NAV2: variants seen among roughly 807,000 people sequenced by gnomAD.
The protein encoded by NAV2 is neuron navigator 2, also known as helicase, APC down-regulated 1.
NAV2 carries 54 observed loss-of-function variants against 223.2 expected under a neutral mutation model. The observed-to-expected ratio is 0.24, with a 90% CI of 0.19 to 0.30. NAV2 has a LOEUF of 0.30. NAV2 is among the 10% of genes least tolerant of loss of function. The pLI, the probability that NAV2 is intolerant of heterozygous loss-of-function variation, is 1.00. For missense variants in NAV2, 2,806 were observed against 3,147.5 expected, an observed-to-expected ratio of 0.89 and a Z score of 2.60; for synonymous variants, 1,279 against 1,239.3, an observed-to-expected ratio of 1.03 and a Z score of -0.67.
At chr11:19,460,970 T>C (rs1008283646) in intron 1 of NAV2, among the ~76,000 whole-genome samples, 2 of 152,162 alleles carry the variant, frequency 1.3e-5, no homozygotes, top group African/African-American at 4.8e-5. Flanking sequence ...GTGGGATTCA[T>C]ACTTCCAGGT....
Position 20,080,994 on chromosome 11 carries a change from C to G in NAV2, c.5325+785C>G, listed in dbSNP as rs146845440. Reference sequence around the variant, plus strand: ...CAGTGCAAGAATATCTCAAGTTGATCTGGAGTTGACCAGTGGCCCCGTTCC... The same window carrying G: ...CAGTGCAAGAATATCTCAAGTTGATGTGGAGTTGACCAGTGGCCCCGTTCC... On this transcript the variant is annotated intron_variant, in intron 25 of 37. Transcript: ENST00000349880. 8.5e-5 allele frequency among the ~76,000 whole-genome samples: 13 copies of G among 152,318 alleles called. No homozygotes were observed. In the East Asian group the frequency reaches 1.2e-3, roughly 14 times the overall value.
intron 1 of NAV2, among the ~76,000 whole-genome samples, chr11:19,742,540 G>A (rs2052938963): frequency 1.3e-5 from 2 of 152,144 alleles, no homozygotes; most frequent in Admixed American, 1.3e-4. Context: ...TACGTGAGGC[G>A]CTCCAGGTAA....
In NAV2 at chr11:19,523,986, G is replaced by T. The variant is rs1206918002; in HGVS notation, c.75+172959G>T. ...GCCCAGGTGTTTTCTCCTCCTTCAGGAAGTCTTCCAGATACTCCAGGCTGG... is the reference window on the plus strand; with the variant it reads ...GCCCAGGTGTTTTCTCCTCCTTCAGTAAGTCTTCCAGATACTCCAGGCTGG... On this transcript the variant is annotated intron_variant, in intron 1 of 37. Coordinates refer to the NAV2 transcript ENST00000360655. Among the ~76,000 whole-genome samples the T allele has an allele frequency of 3.3e-5, 5 of 152,064 alleles. 1 individual carries two copies. The highest frequency in any genetic ancestry group is 3.3e-4 in the Admixed American group (5 of 15,264).
chr11:19,688,330 G>GT (rs2152252068), intron 1 of NAV2, among the ~76,000 whole-genome samples: 1 of 152,278 alleles, frequency 6.6e-6, no homozygotes, highest in East Asian at 1.9e-4. Flanking sequence ...ACCTTGACCT[G>GT]TGTAATCTTA....
At chr11:19,757,588 A>T (rs1489405137) in intron 1 of NAV2, among the ~76,000 whole-genome samples, 1 of 152,188 alleles carries the variant, frequency 6.6e-6, no homozygotes, top group Non-Finnish European at 1.5e-5. Flanking sequence ...TTATCGTAAG[A>T]TTCAGCAGCA....
At chr11:19,781,811 T>C (rs2056770517) in intron 1 of NAV2, among the ~76,000 whole-genome samples, 1 of 152,054 alleles carries the variant, frequency 6.6e-6, no homozygotes, top group African/African-American at 2.4e-5. Flanking sequence ...CAAATAAAAA[T>C]TGTATATATT....
At chr11:19,393,907 T>TTTC (rs1849345761) in intron 1 of NAV2, among the ~76,000 whole-genome samples, 1 of 65,580 alleles carries the variant, frequency 1.5e-5, no homozygotes, top group South Asian at 5.3e-4. Context: ...TTTTTTTTTC[T>TTTC]TTTTTTTTTT....
intron 11 of NAV2, among the ~76,000 whole-genome samples, chr11:20,017,995 C>G (rs1398230224): frequency 6.6e-6 from 1 of 152,114 alleles, no homozygotes; most frequent in African/African-American, 2.4e-5. Context: ...TACTAGCAAG[C>G]AAGAAGAAAG....
chr11:19,517,066 A>G (rs993864417), intron 1 of NAV2, among the ~76,000 whole-genome samples: 10 of 151,512 alleles, frequency 6.6e-5, no homozygotes, highest in African/African-American at 2.2e-4. Context: ...AAATAATAAT[A>G]CGATGAAATG....
chr11:19,708,759 C>T (rs769939670), upstream of NAV2, among the ~76,000 whole-genome samples: 5 of 152,038 alleles, frequency 3.3e-5, 1 homozygote, highest in South Asian at 4.2e-4. Context: ...TTTGATAATA[C>T]GTTTCAATTT....
rs183653620 is a variant in NAV2 at position 19,969,648 on chromosome 11, A to C, written c.2646-14477A>C. 3.0e-4 allele frequency among the ~76,000 whole-genome samples: 45 copies of C among 152,314 alleles called. No homozygotes were observed. In the East Asian group the frequency reaches 8.5e-3, roughly 29 times the overall value. ...ATTTATAAATTAGACACAGTAAGAA[A>C]TTAACAACAGTTGGCTGGGCGCAGT... On this transcript the variant is annotated intron_variant, in intron 10 of 37. Transcript: ENST00000349880.
At chr11:19,392,188 T>C (rs769855397) in intron 1 of NAV2, among the ~76,000 whole-genome samples, 3 of 152,186 alleles carry the variant, frequency 2.0e-5, no homozygotes, top group Non-Finnish European at 2.9e-5. Context: ...CAAGTCCTGA[T>C]TGTGCTCATT....
chr11:19,998,335 T>C lies in NAV2; in HGVS notation c.2768+14088T>C, dbSNP rs1004197240. 1.3e-5 allele frequency among the ~76,000 whole-genome samples: 2 copies of C among 151,828 alleles called. No homozygotes were observed. The highest frequency in any genetic ancestry group is 6.6e-5 in the Admixed American group (1 of 15,228). On this transcript the variant is annotated intron_variant, in intron 11 of 37. Coordinates refer to ENST00000349880, the MANE Select transcript of NAV2 (RefSeq NM_145117.5). This position sits in a 1 kb window ranked among gnomAD's most constrained non-coding sequence, Gnocchi z 5.0. ...TCTCTCATTGGCCATGGTGCAGGGG[T>C]CTAGGCTGCCGTCCTCTCTCATCTG...
intron 11 of NAV2, among the ~76,000 whole-genome samples, chr11:20,033,634 C>T (rs2056019939): frequency 6.6e-6 from 1 of 152,198 alleles, no homozygotes; most frequent in African/African-American, 2.4e-5. Flanking sequence ...CTTGGGACCA[C>T]CCTCACATTC....
intron 1 of NAV2, among the ~76,000 whole-genome samples, chr11:19,675,805 T>C (rs912618655): frequency 6.6e-6 from 1 of 152,212 alleles, no homozygotes; most frequent in African/African-American, 2.4e-5. Flanking sequence ...TAATTGATAT[T>C]TGTACAGCAA....
intron 1 of NAV2, among the ~76,000 whole-genome samples, chr11:19,660,083 T>C (rs2048235104): frequency 6.6e-6 from 1 of 151,950 alleles, no homozygotes; most frequent in South Asian, 2.1e-4. Flanking sequence ...TGGAGAGGAG[T>C]ACCCCAGGCA....
intron 1 of NAV2, among the ~76,000 whole-genome samples, chr11:19,616,049 AG>A (rs1220807759): frequency 1.3e-5 from 2 of 152,066 alleles, no homozygotes; most frequent in East Asian, 1.9e-4. Context: ...CACACAGCTC[AG>A]GGGCATTGCT....
chr11:19,654,844 C>G (rs540315404), intron 1 of NAV2, among the ~76,000 whole-genome samples: 340 of 152,248 alleles, frequency 2.2e-3, no homozygotes, highest in African/African-American at 6.2e-3. Flanking sequence ...AGGACTTCAT[C>G]TCTAAAACAC....
In NAV2 at chr11:20,077,995, C is replaced by T. The variant is rs6483642; in HGVS notation, c.5070C>T (p.Asp1690=). 0.88 allele frequency: 1,419,081 copies of T among 1,611,088 alleles called. 625,853 individuals carry two copies. The highest frequency in any genetic ancestry group is 0.96 in the East Asian group (43,027 of 44,818). Residue 1690 remains aspartate, a splice_region_variant and synonymous_variant, in exon 24 of 38, where the codon GAC becomes GAT. Transcript: ENST00000349880. ...CAATAATTTTTTCTGTTCCCTAGGACTCAGAACTGAATGAGTTAAGAAAAA... is the reference window on the plus strand; with the variant it reads ...CAATAATTTTTTCTGTTCCCTAGGATTCAGAACTGAATGAGTTAAGAAAAA... ...QSLTMTAEQK[D]SELNELRKTI...
Sources: gnomAD v4.1 joint callset for allele counts (sites outside exome capture counted in the v4.1 genomes callset) on GRCh38, gnomAD v4.1.1 for gene constraint, Gnocchi (gnomAD v3.1) non-coding constraint, MANE v1.5 for transcripts, NCBI Gene and HGNC (gene_info 2026-07-23, HGNC 2026-07-21) for gene names.